Variants in CBR4 observed in about 807,000 individuals in gnomAD.
CBR4 encodes the protein carbonyl reductase 4.
In CBR4, 22 loss-of-function variants were observed where a neutral mutation model predicts 21.0. That is an observed-to-expected ratio of 1.05 (90% CI 0.75 to 1.50). The LOEUF (loss-of-function observed/expected upper bound fraction) is 1.50, where lower values mean the gene tolerates loss of function less well. Ranked by LOEUF, CBR4 falls within the 40% of genes most tolerant of loss-of-function variation. CBR4 has a pLI of 0.00. For missense variants in CBR4, 302 were observed against 286.3 expected (o/e 1.05, Z -0.40); for synonymous variants, 100 against 104.4 (o/e 0.96, Z 0.26).
intron 4 of CBR4, among the ~76,000 whole-genome samples, chr4:168,996,306 T>C (rs1350428427): frequency 6.6e-6 from 1 of 152,182 alleles, no homozygotes; most frequent in Non-Finnish European, 1.5e-5. Flanking sequence ...TCATTTTCTG[T>C]AGCTTTTTAA....
chr4:169,002,769 A>C (rs1730569838), intron 3 of CBR4, among the ~76,000 whole-genome samples: 1 of 149,662 alleles, frequency 6.7e-6, no homozygotes, highest in Admixed American at 6.6e-5. Context: ...AACAAATTGA[A>C]GGCTTGTAGC....
At chr4:168,981,130 T>A (rs1764533142) in intron 2 of CBR4, among the ~76,000 whole-genome samples, 1 of 152,196 alleles carries the variant, frequency 6.6e-6, no homozygotes, top group Admixed American at 6.5e-5. Flanking sequence ...CCAGGCGTGG[T>A]GGCTCGCACC....
chr4:168,926,861 AAGAAG>A (rs1316783497), intron 2 of CBR4: 8 of 220,968 alleles, frequency 3.6e-5, no homozygotes, highest in African/African-American at 1.8e-4. Context: ...AGGATGAAAG[AAGAAG>A]AGATGACAAA....
intron 4 of CBR4, among the ~76,000 whole-genome samples, chr4:168,998,485 C>T: frequency 6.6e-6 from 1 of 152,080 alleles, no homozygotes; most frequent in East Asian, 1.9e-4. Flanking sequence ...ATATGCAAAT[C>T]TGTAGATACA....
At chr4:168,984,727 G>C (rs367886114), downstream of CBR4, among the ~76,000 whole-genome samples, 5 of 152,114 alleles carry the variant, frequency 3.3e-5, no homozygotes, top group Non-Finnish European at 7.4e-5. Flanking sequence ...CAGACCAATG[G>C]AATAGGTTAG....
intron 2 of CBR4, among the ~76,000 whole-genome samples, chr4:168,948,605 C>T (rs1021282225): frequency 2.0e-5 from 3 of 152,178 alleles, no homozygotes; most frequent in African/African-American, 4.8e-5. Flanking sequence ...TATCCCAGCA[C>T]CATTTGTTGA....
At chr4:168,998,015 G>A (rs1247234627) in intron 4 of CBR4, among the ~76,000 whole-genome samples, 3 of 152,106 alleles carry the variant, frequency 2.0e-5, no homozygotes, top group Non-Finnish European at 4.4e-5. Flanking sequence ...ATTCCAAACA[G>A]CACATAAGAA....
At chr4:168,949,535 T>C (rs1382357676) in intron 2 of CBR4, among the ~76,000 whole-genome samples, 1 of 152,160 alleles carries the variant, frequency 6.6e-6, no homozygotes, top group Non-Finnish European at 1.5e-5. Context: ...ATTGAGGTAT[T>C]GTCCCTTGTA....
chr4:168,992,884 G>T (rs1764992603), intron 4 of CBR4, among the ~76,000 whole-genome samples: 1 of 152,100 alleles, frequency 6.6e-6, no homozygotes, highest in Admixed American at 6.5e-5. Context: ...TTTGTATTAT[G>T]TATGTTTCAC....
At chr4:168,963,289 ATCCAG>A (rs1341942750) in intron 2 of CBR4, among the ~76,000 whole-genome samples, 1 of 152,200 alleles carries the variant, frequency 6.6e-6, no homozygotes, top group Non-Finnish European at 1.5e-5. Flanking sequence ...AATTTTTAAA[ATCCAG>A]ATACTTCATA....
chr4:168,967,766 G>A (rs1050362450), intron 2 of CBR4, among the ~76,000 whole-genome samples: 4 of 152,168 alleles, frequency 2.6e-5, no homozygotes, highest in Admixed American at 2.0e-4. Flanking sequence ...AACAAAAACT[G>A]ATAGACCATG....
chr4:169,002,287 A>C, intron 3 of CBR4, 82 bp from the exon 4 acceptor site: 1 of 1,284,620 alleles, frequency 7.8e-7, no homozygotes, highest in Non-Finnish European at 1.0e-6. Context: ...GATAATTTAT[A>C]GTAAACAAAA....
downstream of CBR4, among the ~76,000 whole-genome samples, chr4:168,985,399 T>C (rs974390626): frequency 1.3e-5 from 2 of 152,158 alleles, no homozygotes; most frequent in African/African-American, 4.8e-5. Flanking sequence ...CAACAGATGC[T>C]GGTGGTTGTG....
chr4:168,980,348 C>G (rs1042827483), intron 2 of CBR4, among the ~76,000 whole-genome samples: 1 of 152,154 alleles, frequency 6.6e-6, no homozygotes, highest in South Asian at 2.1e-4. Context: ...AAGAGCCTAC[C>G]TACTGGCCAG....
Position 169,006,842 on chromosome 4 carries a change from G to A in CBR4, c.313C>T (p.His105Tyr). The A allele has an allele frequency of 6.2e-7, 1 of 1,613,144 alleles. No individual in the cohort carries two copies. Among genetic ancestry groups the A allele is most frequent in the African/African-American group, 1.3e-5 (1 of 75,012 alleles). ...TKTEDMVSQL[H>Y]TNLLGSMLTC... ...AGCATGGAACCCAAGAGGTTAGTAT[G>A]AAGCTGAGATACCATATCTTCAGTT... Residue 105 changes from histidine to tyrosine, a missense_variant, in exon 3 of 5, where the codon CAT becomes TAT. Coordinates refer to ENST00000306193, the MANE Select transcript of CBR4 (RefSeq NM_032783.5).
chr4:169,006,368 G>T (rs1438668939), intron 3 of CBR4, among the ~76,000 whole-genome samples: 1 of 151,972 alleles, frequency 6.6e-6, no homozygotes, highest in Non-Finnish European at 1.5e-5. Flanking sequence ...ATAAAAATCA[G>T]AATGATCCAA....
At chr4:168,979,827 CCACTGCCACTGCA>C (rs1156320297) in intron 2 of CBR4, among the ~76,000 whole-genome samples, 1 of 152,166 alleles carries the variant, frequency 6.6e-6, no homozygotes, top group Non-Finnish European at 1.5e-5. Flanking sequence ...AGCTCCTCTG[CCACTGCCACTGCA>C]ATGGTACTGC....
intron 2 of CBR4, among the ~76,000 whole-genome samples, chr4:168,932,971 C>T (rs1281991123): frequency 6.6e-6 from 1 of 151,936 alleles, no homozygotes; most frequent in Non-Finnish European, 1.5e-5. Context: ...TAACCACCAC[C>T]ATGATGAAAA....
At chr4:169,007,521 T>A in intron 2 of CBR4, 115 bp downstream of exon 2, 1 of 544,890 alleles carries the variant, frequency 1.8e-6, no homozygotes, top group Non-Finnish European at 2.8e-6. Flanking sequence ...TTTAAAATAG[T>A]TTTTTCTCCC....
Sources: gnomAD v4.1 joint callset for allele counts (sites outside exome capture counted in the v4.1 genomes callset) on GRCh38, gnomAD v4.1.1 for gene constraint, MANE v1.5 for transcripts, NCBI Gene and HGNC (gene_info 2026-07-23, HGNC 2026-07-21) for gene names.